WWC2: variants seen among roughly 807,000 people sequenced by gnomAD.
The protein encoded by WWC2 is WW and C2 domain containing 2.
A neutral mutation model predicts 138.5 loss-of-function variants in WWC2; 101 were observed. The observed-to-expected ratio is 0.73, with a 90% CI of 0.62 to 0.86. The LOEUF (loss-of-function observed/expected upper bound fraction) is 0.86, where lower values mean the gene tolerates loss of function less well. Ranked by LOEUF, WWC2 falls within the 40% of genes least tolerant of loss-of-function variation. The pLI, the probability that WWC2 is intolerant of heterozygous loss-of-function variation, is 0.00. For missense variants in WWC2, 1,420 were observed against 1,419.4 expected, an observed-to-expected ratio of 1.00 and a Z score of -0.01; for synonymous variants, 558 against 538.4, an observed-to-expected ratio of 1.04 and a Z score of -0.50.
At chr4:183,268,456 A>C (rs1737579558) in intron 14 of WWC2, among the ~76,000 whole-genome samples, 1 of 152,176 alleles carries the variant, frequency 6.6e-6, no homozygotes, top group Non-Finnish European at 1.5e-5. Flanking sequence ...CATCTGTTTT[A>C]AATTTTCTTA....
At chr4:183,285,256 T>G (rs950046361) in intron 19 of WWC2, among the ~76,000 whole-genome samples, 3 of 152,152 alleles carry the variant, frequency 2.0e-5, no homozygotes, top group Admixed American at 2.0e-4. Context: ...TTGAAGCAGA[T>G]GAGACAGTGA....
At chr4:183,285,160 A>G (rs1390553742) in intron 19 of WWC2, among the ~76,000 whole-genome samples, 1 of 152,150 alleles carries the variant, frequency 6.6e-6, no homozygotes, top group African/African-American at 2.4e-5. Context: ...AGTATCTTGG[A>G]AGGGGATCAA....
At chr4:183,141,597 A>G (rs1235860675) in intron 1 of WWC2, among the ~76,000 whole-genome samples, 1 of 152,138 alleles carries the variant, frequency 6.6e-6, no homozygotes, top group Admixed American at 6.6e-5. Context: ...AAAAATTATT[A>G]CCAAGTGGCT....
rs762775297 is a variant in WWC2 at position 183,280,879 on chromosome 4, G to C, written c.2666G>C (p.Arg889Thr). Reference protein sequence around the residue: ...EEEESGQEEPRGPDGDWLTML... With the variant: ...EEEESGQEEPTGPDGDWLTML... ...GAAGAATCAGGACAAGAAGAGCCAA[G>C]GGGCCCAGATGGAGACTGGTTAAAC... Residue 889 changes from arginine (R) to threonine (T), a missense_variant, in exon 17 of 23, where the codon AGG becomes ACG. Physicochemically the swap from Arg to Thr is moderately conservative, Grantham distance 71 (BLOSUM62 -1). Transcript: ENST00000403733. 9 of 1,573,792 alleles carry C rather than the reference G, an allele frequency of 5.7e-6. No individual in the cohort carries two copies. Among genetic ancestry groups the C allele is most frequent in the Non-Finnish European group, 7.8e-6 (9 of 1,159,056 alleles).
At chr4:183,179,416 G>A (rs2111180471) in intron 1 of WWC2, among the ~76,000 whole-genome samples, 1 of 152,278 alleles carries the variant, frequency 6.6e-6, no homozygotes, top group South Asian at 2.1e-4. Context: ...TGGAGTATGG[G>A]TTATAGAGGG....
chr4:183,253,583 G>A (rs903933619), intron 8 of WWC2, among the ~76,000 whole-genome samples, 174 bp from the exon 9 acceptor site: 9 of 152,100 alleles, frequency 5.9e-5, no homozygotes, highest in African/African-American at 2.2e-4. Context: ...AGAGACTGGT[G>A]TGCAAGGCTG....
At chr4:183,142,038 G>A (rs192249620) in intron 1 of WWC2, among the ~76,000 whole-genome samples, 1 of 152,358 alleles carries the variant, frequency 6.6e-6, no homozygotes, top group Admixed American at 6.5e-5. Context: ...TATGGTAATT[G>A]TTGAGGAAAG....
chr4:183,227,183 A>T (rs1292031914), intron 4 of WWC2, among the ~76,000 whole-genome samples: 1 of 152,068 alleles, frequency 6.6e-6, no homozygotes, highest in Non-Finnish European at 1.5e-5. Context: ...AATGCTAGGT[A>T]GATAAAGGAG....
At chr4:183,188,435 A>T (rs1421371364) in intron 1 of WWC2, among the ~76,000 whole-genome samples, 1 of 151,276 alleles carries the variant, frequency 6.6e-6, no homozygotes, top group East Asian at 2.0e-4. Flanking sequence ...ATGGATTTTC[A>T]CCATGTTGAC....
intron 1 of WWC2, among the ~76,000 whole-genome samples, chr4:183,112,649 T>C (rs528923883): frequency 6.6e-6 from 1 of 152,362 alleles, no homozygotes; most frequent in South Asian, 2.1e-4. Flanking sequence ...GTGAGATCTC[T>C]GTTTTCATGG....
chr4:183,201,849 A>G (rs1014548845), intron 2 of WWC2, among the ~76,000 whole-genome samples: 1 of 152,198 alleles, frequency 6.6e-6, no homozygotes, highest in Non-Finnish European at 1.5e-5. Flanking sequence ...GGCCAGCCCC[A>G]TGGCCCATCT....
chr4:183,153,246 A>T (rs1733697798), intron 1 of WWC2, among the ~76,000 whole-genome samples: 1 of 152,102 alleles, frequency 6.6e-6, no homozygotes, highest in South Asian at 2.1e-4. Context: ...TGTTGATGTT[A>T]TTTATACCCA....
At chr4:183,313,101 G>T (rs571984872) in intron 22 of WWC2, among the ~76,000 whole-genome samples, 22 of 152,258 alleles carry the variant, frequency 1.4e-4, no homozygotes, top group Admixed American at 3.9e-4. Flanking sequence ...GCACCTAGGG[G>T]TGGCAGTTTT....
chr4:183,315,772 TAGGG>T lies in WWC2; in HGVS notation c.*48_*51del, dbSNP rs752649779. On this transcript the variant is annotated 3_prime_UTR_variant, in exon 23 of 23. Transcript: ENST00000403733. ...TTATTTTTTCATCTGTTCACTTTCT[TAGGG>T]AGGGTAAAAGACTGAAGATTTGTGT... 2.0e-6 allele frequency: 3 copies of T among 1,526,058 alleles called. No homozygotes were observed. Among genetic ancestry groups the T allele is most frequent in the Admixed American group, 1.8e-5 (1 of 55,456 alleles). 94.5% of individuals were successfully genotyped at this position (1,526,058 alleles called of 1,614,324 possible).
intron 2 of WWC2, among the ~76,000 whole-genome samples, chr4:183,206,845 G>A (rs945673503): frequency 6.6e-6 from 1 of 152,200 alleles, no homozygotes; most frequent in African/African-American, 2.4e-5. Flanking sequence ...GGCCCAACAT[G>A]TGGTCAAAAA....
At chr4:183,133,143 CTTTTTTTTCTTTTTT>C (rs1660725618) in intron 1 of WWC2, among the ~76,000 whole-genome samples, 2 of 86,942 alleles carry the variant, frequency 2.3e-5, no homozygotes, top group Admixed American at 2.4e-4. Flanking sequence ...TTCTTTCTTT[CTTTTTTTTCTTTTTT>C]TTTTTTTTTT....
intron 20 of WWC2, among the ~76,000 whole-genome samples, chr4:183,288,125 C>T (rs1022069129): frequency 2.0e-5 from 3 of 152,060 alleles, no homozygotes; most frequent in Non-Finnish European, 4.4e-5. Flanking sequence ...GGAGAGGGTA[C>T]AGGTTGAATA....
intron 15 of WWC2, chr4:183,269,464 C>T (rs1737627604): frequency 3.7e-6 from 2 of 541,318 alleles, no homozygotes; most frequent in African/African-American, 1.9e-5. Context: ...AGTGTGCTTA[C>T]CACTCCCAGT....
intron 11 of WWC2, among the ~76,000 whole-genome samples, chr4:183,264,290 G>A (rs1737424323): frequency 6.6e-6 from 1 of 152,184 alleles, no homozygotes; most frequent in South Asian, 2.1e-4. Flanking sequence ...ACTGGAGGAT[G>A]AAAGAGCACC....
Sources: gnomAD v4.1 joint callset for allele counts (sites outside exome capture counted in the v4.1 genomes callset) on GRCh38, gnomAD v4.1.1 for gene constraint, MANE v1.5 for transcripts, NCBI Gene and HGNC (gene_info 2026-07-23, HGNC 2026-07-21) for gene names.